Variants in ZNF626 observed in about 807,000 individuals in gnomAD.
ZNF626 encodes zinc finger protein 626.
Under a neutral mutation model 11.7 loss-of-function variants are expected in ZNF626, and 4 were observed. That is an observed-to-expected ratio of 0.34 (90% CI 0.17 to 0.78). The LOEUF (loss-of-function observed/expected upper bound fraction) is 0.78. ZNF626 is among the 30% of genes least tolerant of loss of function. The pLI is 0.57. For synonymous variants in ZNF626, 179 were observed against 198.6 expected (o/e 0.90, Z 0.83); for missense variants, 588 against 587.1 (o/e 1.00, Z -0.01).
intron 3 of ZNF626, among the ~76,000 whole-genome samples, chr19:20,632,606 A>G (rs1344060448): frequency 6.6e-6 from 1 of 152,054 alleles, no homozygotes; most frequent in Non-Finnish European, 1.5e-5. Context: ...TGCATTCGTC[A>G]CATAGCTCTC....
At chr19:20,657,433 A>T (rs1183060876) in intron 1 of ZNF626, among the ~76,000 whole-genome samples, 1 of 152,090 alleles carries the variant, frequency 6.6e-6, no homozygotes, top group African/African-American at 2.4e-5. Context: ...AACATCATGG[A>T]ATACTCTGTG....
intron 3 of ZNF626, among the ~76,000 whole-genome samples, chr19:20,636,421 A>G (rs1156338497): frequency 3.3e-5 from 5 of 152,026 alleles, no homozygotes; most frequent in African/African-American, 1.2e-4. Context: ...ATGTGATGTG[A>G]CATTCCCAAA....
chr19:20,658,610 C>G (rs189053705), intron 1 of ZNF626, among the ~76,000 whole-genome samples: 14 of 152,172 alleles, frequency 9.2e-5, no homozygotes, highest in African/African-American at 3.1e-4. Flanking sequence ...AGAGCAGAGC[C>G]TCCCATTTTC....
chr19:20,643,811 A>G (rs1210318813), intron 3 of ZNF626, among the ~76,000 whole-genome samples: 2 of 152,200 alleles, frequency 1.3e-5, no homozygotes, highest in African/African-American at 4.8e-5. Context: ...ATGTAGCAAG[A>G]CGTCATCTCC....
intron 1 of ZNF626, among the ~76,000 whole-genome samples, chr19:20,648,506 A>T (rs1364508065): frequency 6.6e-6 from 1 of 151,786 alleles, no homozygotes; most frequent in Non-Finnish European, 1.5e-5. Context: ...CCTACCAAGT[A>T]GCTGGGACTA....
chr19:20,628,721 A>T (rs1376020536), intron 3 of ZNF626, among the ~76,000 whole-genome samples: 2 of 152,028 alleles, frequency 1.3e-5, no homozygotes, highest in African/African-American at 4.8e-5. Flanking sequence ...ATTTTCTCCC[A>T]TTCTGTAGGT....
chr19:20,625,689 G>C, intron 3 of ZNF626, 39 bp from the exon 4 acceptor site: 1 of 1,500,274 alleles, frequency 6.7e-7, no homozygotes, highest in Non-Finnish European at 8.9e-7. Flanking sequence ...TCAATTGGTA[G>C]ACTCAGATAA....
chr19:20,623,963 CTTAG>C lies in ZNF626; in HGVS notation c.*323_*326del. On this transcript the variant is annotated 3_prime_UTR_variant, in exon 4 of 4. Transcript: ENST00000601440. ...GTAGAGTTTATATTTCATATCAATT[CTTAG>C]TTAGAAATTGAGGGCTGGTTAAAAG... 2.7e-6 allele frequency: 1 copy of C among 369,346 alleles called. No homozygotes were observed. 22.9% of individuals were successfully genotyped at this position (369,346 alleles called of 1,614,324 possible). A position where few individuals can be genotyped will look rare whatever the true frequency, so the allele number is the denominator to read the frequency against.
At chr19:20,644,239 C>A (rs1409333903) in intron 3 of ZNF626, among the ~76,000 whole-genome samples, 7 of 152,190 alleles carry the variant, frequency 4.6e-5, no homozygotes, top group Admixed American at 3.9e-4. Context: ...TGAGGAAATG[C>A]TCTCTGGTAC....
At chr19:20,657,569 G>A (rs1970218165) in intron 1 of ZNF626, among the ~76,000 whole-genome samples, 1 of 152,124 alleles carries the variant, frequency 6.6e-6, no homozygotes, top group East Asian at 1.9e-4. Context: ...TACTTTGGGA[G>A]GCCGAGGTGG....
Position 20,624,710 on chromosome 19 carries a change from T to A in ZNF626, c.1167A>T (p.Ile389=). 6.2e-7 allele frequency: 1 copy of A among 1,610,130 alleles called. No individual in the cohort carries two copies. Residue 389 remains isoleucine (I), a synonymous_variant, in exon 4 of 4, where the codon ATA becomes ATT. Coordinates refer to ENST00000601440, the MANE Select transcript of ZNF626 (RefSeq NM_001076675.3). ...TGTAGGGTTTCTCTCCAGTATGAAT[T>A]ATCTTATGCGTAGTAAGGTCTGAAG... is the stretch of plus-strand genomic sequence containing the variant. ...KRSSDLTTHK[I]IHTGEKPYKC... is the part of the protein sequence containing the mutation.
rs558241572 is a variant in ZNF626, at chr19:20,658,954, G to A, written c.3+2490C>T. ...GCAAAACATTGTAGTTATGTTTACC[G>A]GTTTCATATAAAAGATGCAGCCCAG... On this transcript the variant is annotated intron_variant, in intron 1 of 3. Transcript: ENST00000601440. Among the ~76,000 whole-genome samples the A allele has an allele frequency of 1.1e-4, 17 of 152,240 alleles. No homozygotes were observed. In the South Asian group the frequency reaches 3.1e-3, roughly 28 times the overall value.
At chr19:20,644,047 A>C (rs1599482417) in intron 3 of ZNF626, among the ~76,000 whole-genome samples, 1 of 152,212 alleles carries the variant, frequency 6.6e-6, no homozygotes. Flanking sequence ...CCCAAGCCAG[A>C]GTCTGGCAGA....
Position 20,661,401 on chromosome 19 carries a change from C to T in ZNF626, c.3+43G>A, listed in dbSNP as rs369361699. On this transcript the variant is annotated intron_variant, in intron 1 of 3. Transcript: ENST00000601440. Reference sequence around the variant, plus strand: ...CACAGCCACTTTTCACCGGTTCCAACCAGTCCCTCTCCTCTCTCGGGATGT... The same window carrying T: ...CACAGCCACTTTTCACCGGTTCCAATCAGTCCCTCTCCTCTCTCGGGATGT... 30 of 1,613,378 alleles carry T rather than the reference C, an allele frequency of 1.9e-5. No individual in the cohort carries two copies. The Admixed American group carries it at 3.3e-4, about 18-fold the overall frequency.
chr19:20,627,936 G>A (rs1326426242), intron 3 of ZNF626, among the ~76,000 whole-genome samples: 1 of 152,074 alleles, frequency 6.6e-6, no homozygotes, highest in African/African-American at 2.4e-5. Flanking sequence ...CCCTGCCCCT[G>A]ACGCCACAAC....
intron 3 of ZNF626, among the ~76,000 whole-genome samples, chr19:20,638,492 G>A (rs1430707037): frequency 6.6e-6 from 1 of 151,034 alleles, no homozygotes; most frequent in Non-Finnish European, 1.5e-5. Context: ...AAGCCTGAGT[G>A]GTTTTTTTAA....
chr19:20,633,040 T>G (rs1969924831), intron 3 of ZNF626, among the ~76,000 whole-genome samples: 1 of 152,198 alleles, frequency 6.6e-6, no homozygotes. Context: ...TGAAGTTTGC[T>G]GGAGGTCCAC....
chr19:20,657,536 G>A (rs1224217073), intron 1 of ZNF626, among the ~76,000 whole-genome samples: 1 of 152,042 alleles, frequency 6.6e-6, no homozygotes, highest in Non-Finnish European at 1.5e-5. Context: ...TCCAGGCATG[G>A]TGGCTCACGC....
Position 20,624,849 on chromosome 19 carries a change from C to T in ZNF626, c.1028G>A (p.Cys343Tyr). The T allele has an allele frequency of 6.2e-7, 1 of 1,613,820 alleles. No homozygotes were observed. The highest frequency in any genetic ancestry group is 1.1e-5 in the South Asian group (1 of 91,064). ...CTTAAAGGCTTTGCCACATTCTTCA[C>T]ATTTGTAGGGTTTGTCTTCAGTATG... ...RIHTEDKPYK[C>Y]EECGKAFKYS... Residue 343 changes from cysteine (C) to tyrosine (Y), a missense_variant, in exon 4 of 4, where the codon TGT becomes TAT. By Grantham distance (194) the Cys-to-Tyr change is radical. Transcript: ENST00000601440.
Sources: gnomAD v4.1 joint callset for allele counts (sites outside exome capture counted in the v4.1 genomes callset) on GRCh38, gnomAD v4.1.1 for gene constraint, MANE v1.5 for transcripts, NCBI Gene and HGNC (gene_info 2026-07-23, HGNC 2026-07-21) for gene names.